The following MMRN1 variants were observed in gnomAD, a reference collection of about 807,000 sequenced individuals.
MMRN1 encodes the protein multimerin 1, also known as multimerin-1.
In MMRN1, 94 loss-of-function variants were observed where a neutral mutation model predicts 100.7. The observed-to-expected ratio is 0.93, with a 90% CI of 0.79 to 1.11. The LOEUF (loss-of-function observed/expected upper bound fraction) is 1.11. Among genes scored for constraint, MMRN1 ranks in the 50% least tolerant of loss-of-function variants. The probability of loss-of-function intolerance (pLI) is 0.00; values close to 1 mark genes in which losing one functional copy is unlikely to be tolerated. For missense variants in MMRN1, 1,606 were observed against 1,439.1 expected, an observed-to-expected ratio of 1.12 and a Z score of -1.88; for synonymous variants, 575 against 505.0, an observed-to-expected ratio of 1.14 and a Z score of -1.86.
intron 3 of MMRN1, among the ~76,000 whole-genome samples, chr4:89,920,621 A>G (rs1722058067): frequency 1.3e-5 from 2 of 152,086 alleles, no homozygotes; most frequent in Admixed American, 1.3e-4. Flanking sequence ...CACCTTTGTT[A>G]TTAACAGGAA....
At chr4:89,917,902 T>C (rs886243375) in intron 3 of MMRN1, among the ~76,000 whole-genome samples, 3 of 152,064 alleles carry the variant, frequency 2.0e-5, no homozygotes, top group African/African-American at 7.2e-5. Context: ...TATTTTTGAA[T>C]GTTTACTGTC....
Position 89,920,861 on chromosome 4 carries a change from T to C in MMRN1, c.851-2307T>C, listed in dbSNP as rs553262271. On this transcript the variant is annotated intron_variant, in intron 3 of 7. Coordinates refer to ENST00000264790, the MANE Select transcript of MMRN1 (RefSeq NM_007351.3). ...TACGCACCTGCCCCATTCCTCAAAA[T>C]AGAGCTACTGAATGAGAATCTCAGG... Among the ~76,000 whole-genome samples the C allele has an allele frequency of 1.2e-4, 18 of 151,976 alleles. No homozygotes were observed. In the East Asian group the frequency reaches 3.5e-3, roughly 29 times the overall value.
chr4:89,905,717 C>T (rs931419055), intron 1 of MMRN1, among the ~76,000 whole-genome samples: 2 of 151,488 alleles, frequency 1.3e-5, no homozygotes, highest in African/African-American at 4.8e-5. Flanking sequence ...AAACAAAGGT[C>T]ATTCAATCCA....
chr4:89,898,549 A>G (rs1023073408), intron 1 of MMRN1, among the ~76,000 whole-genome samples: 5 of 151,674 alleles, frequency 3.3e-5, no homozygotes, highest in Non-Finnish European at 7.4e-5. Flanking sequence ...CCAGAATACA[A>G]TCTAGATTTG....
chr4:89,908,043 G>A (rs183650009), intron 1 of MMRN1, among the ~76,000 whole-genome samples: 2 of 150,928 alleles, frequency 1.3e-5, no homozygotes, highest in African/African-American at 4.9e-5. Flanking sequence ...TTTCTGTCTG[G>A]CCCCCTCATT....
chr4:89,916,532 A>C (rs1301380825), intron 3 of MMRN1, among the ~76,000 whole-genome samples: 1 of 151,768 alleles, frequency 6.6e-6, no homozygotes, highest in Non-Finnish European at 1.5e-5. Flanking sequence ...TGAAACTATA[A>C]AATATGAAAA....
At chr4:89,951,816 A>G in intron 7 of MMRN1, 65 bp downstream of exon 7, 1 of 1,539,630 alleles carries the variant, frequency 6.5e-7, no homozygotes, top group Non-Finnish European at 8.8e-7. Flanking sequence ...CGTTTTGAAA[A>G]TATTTATTAA....
At position 89,935,711 on chromosome 4, in the gene MMRN1, G is replaced by T. The variant is rs1215479533; in HGVS notation, c.2031G>T (p.Lys677Asn). 5 of 1,611,910 alleles carry T rather than the reference G, an allele frequency of 3.1e-6. No individual in the cohort carries two copies. The South Asian group carries it at 4.4e-5, about 14-fold the overall frequency. Reference protein sequence around the residue: ...QPKEAIVIRKKIENLTSAVNS... With the variant: ...QPKEAIVIRKNIENLTSAVNS... ...AGGAAGCAATAGTGATAAGGAAAAA[G>T]ATAGAAAATCTGACTAGTGCTGTCA... The change falls in exon 6 of 8, where the codon AAG becomes AAT. Residue 677 changes from lysine to asparagine, a missense_variant. By Grantham distance (94) the Lys-to-Asn change is moderately conservative. Transcript: ENST00000264790.
chr4:89,910,474 CATTCATTCGCT>C (rs1472723291), intron 2 of MMRN1, among the ~76,000 whole-genome samples: 1 of 151,146 alleles, frequency 6.6e-6, no homozygotes, highest in East Asian at 1.9e-4. Context: ...TGAGTGGGTG[CATTCATTCGCT>C]ATTTTTAATA....
At chr4:89,887,237 T>C (rs1720959058) in intron 1 of MMRN1, among the ~76,000 whole-genome samples, 1 of 152,084 alleles carries the variant, frequency 6.6e-6, no homozygotes, top group African/African-American at 2.4e-5. Flanking sequence ...CAAAGCGATC[T>C]ACAGATTTAA....
intron 3 of MMRN1, among the ~76,000 whole-genome samples, chr4:89,912,261 G>A (rs908751099): frequency 6.6e-6 from 1 of 151,064 alleles, no homozygotes; most frequent in Non-Finnish European, 1.5e-5. Context: ...CCATTTTTAT[G>A]TTGGATTTAT....
chr4:89,894,439 T>C (rs1401733028), upstream of MMRN1, among the ~76,000 whole-genome samples: 1 of 152,178 alleles, frequency 6.6e-6, no homozygotes, highest in African/African-American at 2.4e-5. Flanking sequence ...TGATTATGTG[T>C]ATGCATGTGG....
In MMRN1 at chr4:89,912,054, C is replaced by T; in HGVS notation, c.850+4C>T. Reference sequence around the variant, plus strand: ...GGGCCGAAATGTCAACTAAGAGGTACACTCTAATATTAATAATCACAATTC... The same window carrying T: ...GGGCCGAAATGTCAACTAAGAGGTATACTCTAATATTAATAATCACAATTC... On this transcript the variant is annotated splice_donor_region_variant and intron_variant, in intron 3 of 7. Transcript: ENST00000264790. The T allele has an allele frequency of 6.5e-7, 1 of 1,546,836 alleles. No homozygotes were observed. Among genetic ancestry groups the T allele is most frequent in the Non-Finnish European group, 8.8e-7 (1 of 1,130,170 alleles).
chr4:89,919,344 A>G (rs1385086217), intron 3 of MMRN1, among the ~76,000 whole-genome samples: 1 of 151,538 alleles, frequency 6.6e-6, no homozygotes, highest in Admixed American at 6.6e-5. Context: ...GGCTAATTTC[A>G]TAACATTTTT....
chr4:89,938,151 A>C (rs1412545944), intron 6 of MMRN1, among the ~76,000 whole-genome samples: 7 of 151,864 alleles, frequency 4.6e-5, no homozygotes, highest in African/African-American at 1.7e-4. Context: ...GATAATATTA[A>C]AAATAACAGA....
chr4:89,934,045 G>C (rs1333663805), intron 5 of MMRN1, among the ~76,000 whole-genome samples: 1 of 151,630 alleles, frequency 6.6e-6, no homozygotes, highest in African/African-American at 2.4e-5. Flanking sequence ...GCTACATTTA[G>C]AGACTACCAC....
chr4:89,918,075 T>C (rs922094124), intron 3 of MMRN1, among the ~76,000 whole-genome samples: 2 of 151,566 alleles, frequency 1.3e-5, no homozygotes, highest in African/African-American at 4.8e-5. Flanking sequence ...TTTCAAACAA[T>C]TCATTAGAAA....
intron 6 of MMRN1, among the ~76,000 whole-genome samples, chr4:89,937,923 T>G (rs1428001117): frequency 2.0e-5 from 3 of 152,090 alleles, no homozygotes; most frequent in Non-Finnish European, 4.4e-5. Flanking sequence ...GGAAGTGTTT[T>G]ATGAATATGG....
chr4:89,925,795 T>A (rs573317283), intron 4 of MMRN1, among the ~76,000 whole-genome samples: 11 of 152,124 alleles, frequency 7.2e-5, no homozygotes, highest in Non-Finnish European at 1.5e-4. Context: ...TCAGCCATTA[T>A]CCTTCCCATC....
Sources: gnomAD v4.1 joint callset for allele counts (sites outside exome capture counted in the v4.1 genomes callset) on GRCh38, gnomAD v4.1.1 for gene constraint, MANE v1.5 for transcripts, NCBI Gene and HGNC (gene_info 2026-07-23, HGNC 2026-07-21) for gene names.